Variants in ADCY7 observed in about 807,000 individuals in gnomAD.
ADCY7 encodes adenylate cyclase type 7.
In ADCY7, 72 loss-of-function variants were observed where a neutral mutation model predicts 120.6. That is an observed-to-expected ratio of 0.60 (90% CI 0.49 to 0.73). The LOEUF is 0.73. Among genes scored for constraint, ADCY7 ranks in the 30% least tolerant of loss-of-function variants. The pLI is 0.00. For missense variants in ADCY7, 1,227 were observed against 1,486.0 expected (o/e 0.83, Z 2.87); for synonymous variants, 661 against 628.0 (o/e 1.05, Z -0.78).
At chr16:50,255,380 G>A (rs1250637965) in intron 1 of ADCY7, among the ~76,000 whole-genome samples, 2 of 119,812 alleles carry the variant, frequency 1.7e-5, no homozygotes, top group African/African-American at 3.3e-5. Flanking sequence ...TACCATGCCT[G>A]GCCCATAAGA....
chr16:50,245,114 G>T (rs2032540939), upstream of ADCY7, among the ~76,000 whole-genome samples: 1 of 152,200 alleles, frequency 6.6e-6, no homozygotes, highest in African/African-American at 2.4e-5. Flanking sequence ...TCCCCTCTAG[G>T]GTGAGCCGGG....
At chr16:50,252,440 T>C (rs5016069) in intron 1 of ADCY7, among the ~76,000 whole-genome samples, 138,207 of 150,992 alleles carry the variant, frequency 0.92, 64,267 homozygotes, top group Non-Finnish European at 0.99. Flanking sequence ...AGCCACTGGG[T>C]AGGCATTGTT....
chr16:50,277,834 C>T (rs2150879145), intron 1 of ADCY7, among the ~76,000 whole-genome samples: 1 of 152,096 alleles, frequency 6.6e-6, no homozygotes, highest in South Asian at 2.1e-4. Flanking sequence ...CCACGCCCAG[C>T]TAATTTTTTG....
At position 50,304,531 on chromosome 16, in the gene ADCY7, C is replaced by T; in HGVS notation, c.1540C>T (p.Pro514Ser). ...ESVSSGETHV[P>S]NGRRPKSVPQ... The stretch of plus-strand genomic sequence containing the variant: ...CGTGAGCAGTGGTGAGACCCACGTC[C>T]CCAACGGGCGGAGGCCTAAGGTAGG... The change falls in exon 11 of 26, where the codon CCC becomes TCC. Residue 514 changes from proline to serine, a missense_variant. Physicochemically the swap from Pro to Ser is moderately conservative, Grantham distance 74. This residue lies in a region of ADCY7 where 332 missense variants were observed against 455.8 expected (regional missense o/e 0.73). Transcript: ENST00000673801. 2 of 1,562,980 alleles carry T rather than the reference C, an allele frequency of 1.3e-6. No homozygotes were observed. Among genetic ancestry groups the T allele is most frequent in the Non-Finnish European group, 1.7e-6 (2 of 1,154,060 alleles).
intron 1 of ADCY7, among the ~76,000 whole-genome samples, chr16:50,273,497 G>A (rs1373113691): frequency 1.3e-5 from 2 of 152,244 alleles, no homozygotes; most frequent in Non-Finnish European, 2.9e-5. Flanking sequence ...TGCACCTGCT[G>A]CAGGCAGGAG....
In ADCY7 at chr16:50,315,455, T is replaced by G. The variant is rs1262276584; in HGVS notation, c.3193T>G (p.Tyr1065Asp). The change falls in exon 26 of 26, where the codon TAC becomes GAC. Residue 1065 changes from tyrosine (Y) to aspartate (D), a missense_variant. Tyr to Asp is a radical substitution (Grantham distance 160, BLOSUM62 -3). This residue lies in a region of ADCY7 where 244 missense variants were observed against 332.8 expected (regional missense o/e 0.73). Coordinates refer to ENST00000673801, the MANE Select transcript of ADCY7 (RefSeq NM_001114.5). Reference protein sequence around the residue: ...NVKGKGELRTYFVCTDTAKFQ... With the variant: ...NVKGKGELRTDFVCTDTAKFQ... ...CAAAGGCAAAGGCGAGCTGAGGACT[T>G]ACTTTGTCTGTACGGACACTGCCAA... is the stretch of plus-strand genomic sequence containing the variant. 4 of 1,614,054 alleles carry G rather than the reference T, an allele frequency of 2.5e-6. No individual in the cohort carries two copies. The highest frequency in any genetic ancestry group is 1.3e-5 in the African/African-American group (1 of 74,944).
In ADCY7 at chr16:50,291,647, T is replaced by C. The variant is rs1029797558; in HGVS notation, c.376-89T>C. ...AGGGAGCCAACCTAAGGATACGCAC[T>C]GGGTGGGCTGCTGTGGTGCAGGGTT... On this transcript the variant is annotated intron_variant, in intron 3 of 25. Transcript: ENST00000673801. 6 of 1,522,150 alleles carry C rather than the reference T, an allele frequency of 3.9e-6. No homozygotes were observed. The East Asian group carries it at 9.2e-5, about 23-fold the overall frequency. The allele number at this position is 1,522,150 out of a possible 1,614,324, so 94.3% of individuals were successfully genotyped here.
chr16:50,312,848 C>T (rs776960855), intron 21 of ADCY7, 42 bp from the exon 22 acceptor site: 2 of 1,608,946 alleles, frequency 1.2e-6, no homozygotes, highest in African/African-American at 1.3e-5. Context: ...CCTGTCCCCT[C>T]AAGAGGTGAA....
Position 50,314,225 on chromosome 16 carries a change from G to A in ADCY7, c.2857-67G>A, listed in dbSNP as rs148381580. 2.1e-3 allele frequency: 3,140 copies of A among 1,496,080 alleles called. 4 individuals are homozygous for A. Among genetic ancestry groups the A allele is most frequent in the South Asian group, 2.7e-3 (239 of 87,514 alleles). 92.7% of individuals were successfully genotyped at this position (1,496,080 alleles called of 1,614,324 possible). Reference sequence around the variant, plus strand: ...GGTGGGGATCCTCAACAAGAGTGGCGCGCCAGGGCCCACTAGGTCTGGGGG... The same window carrying A: ...GGTGGGGATCCTCAACAAGAGTGGCACGCCAGGGCCCACTAGGTCTGGGGG... On this transcript the variant is annotated intron_variant, in intron 23 of 25. Coordinates refer to ENST00000673801, the MANE Select transcript of ADCY7 (RefSeq NM_001114.5).
At chr16:50,276,570 CATGTA>C (rs1293804378) in intron 1 of ADCY7, among the ~76,000 whole-genome samples, 1 of 152,300 alleles carries the variant, frequency 6.6e-6, no homozygotes, top group East Asian at 1.9e-4. Flanking sequence ...TCTGTTGGGT[CATGTA>C]ATGTATTATT....
chr16:50,245,700 C>T (rs2150765368), upstream of ADCY7, among the ~76,000 whole-genome samples: 1 of 152,224 alleles, frequency 6.6e-6, no homozygotes, highest in South Asian at 2.1e-4. Context: ...GAGGAGGGCA[C>T]TGGCCCGCCG....
chr16:50,305,609 A>G (rs1419961077), intron 13 of ADCY7, 23 bp downstream of exon 13: 7 of 1,575,250 alleles, frequency 4.4e-6, no homozygotes, highest in Non-Finnish European at 6.1e-6. Context: ...ACCTCTGTCC[A>G]CCCCCCTCTC....
chr16:50,269,023 G>A (rs758503809), intron 1 of ADCY7, among the ~76,000 whole-genome samples: 6 of 152,204 alleles, frequency 3.9e-5, no homozygotes, highest in Non-Finnish European at 7.3e-5. Flanking sequence ...CCTGGGTGAC[G>A]GAATGAGACC....
At position 50,257,671 on chromosome 16, in the gene ADCY7, C is replaced by T. The variant is rs181389080; in HGVS notation, c.-64+11468C>T. Among the ~76,000 whole-genome samples the T allele has an allele frequency of 2.3e-4, 35 of 151,542 alleles. 1 individual carries two copies. Among genetic ancestry groups the T allele is most frequent in the Admixed American group, 2.2e-3 (33 of 15,180 alleles). ...GTAATTCTTTAAGATCGTAACTATC[C>T]ATTCGGTGTTCAAACTTCCAATTGT... is the stretch of plus-strand genomic sequence containing the variant. On this transcript the variant is annotated intron_variant, in intron 1 of 4. Coordinates refer to the ADCY7 transcript ENST00000564044.
At chr16:50,285,980 T>C (rs3760012) in intron 1 of ADCY7, among the ~76,000 whole-genome samples, 69,371 of 151,824 alleles carry the variant, frequency 0.46, 16,560 homozygotes, top group Middle Eastern at 0.59. Flanking sequence ...GCATGGCAAG[T>C]GTGGGGTCAG....
rs530629457 is a variant in ADCY7, at chr16:50,312,092, C to T, written c.2505C>T (p.His835=). The change falls in exon 21 of 26, where the codon CAC becomes CAT. Residue 835 remains histidine (H), a synonymous_variant. Transcript: ENST00000673801. ...CLWKKKFKKE[H]EEFETMENVN... ...GGAAGAAGAAGTTCAAGAAGGAGCA[C>T]GAGGAGTTTGAGACCATGGAGAACG... The T allele has an allele frequency of 1.1e-5, 18 of 1,614,094 alleles. No individual in the cohort carries two copies. In the Admixed American group the frequency reaches 1.5e-4, roughly 13 times the overall value.
chr16:50,315,455 T>TA lies in ADCY7; in HGVS notation c.3194dup (p.Tyr1065Ter). ...CAAAGGCAAAGGCGAGCTGAGGACT[T>TA]ACTTTGTCTGTACGGACACTGCCAA... ...NVKGKGELRT[Y>*]FVCTDTAKFQ... Residue 1065 changes from tyrosine to a stop codon, truncating the protein, a stop_gained and frameshift_variant, in exon 26 of 26, where the codon TAC (tyrosine) becomes TAAC (stop). Coordinates refer to ENST00000673801, the MANE Select transcript of ADCY7 (RefSeq NM_001114.5). LOFTEE classifies it high-confidence loss of function. 2 of 1,614,172 alleles carry TA rather than the reference T, an allele frequency of 1.2e-6. No individual in the cohort carries two copies. The highest frequency in any genetic ancestry group is 1.7e-6 in the Non-Finnish European group (2 of 1,179,990).
upstream of ADCY7, among the ~76,000 whole-genome samples, chr16:50,264,994 G>A (rs895959153): frequency 2.0e-5 from 3 of 152,020 alleles, no homozygotes; most frequent in South Asian, 4.2e-4. Flanking sequence ...ATGCCACCAC[G>A]CCTGGCTAAT....
Position 50,308,716 on chromosome 16 carries a change from A to G in ADCY7, c.1985A>G (p.Glu662Gly). ...CTCTGCACTATCTCTGAGAGGGTGG[A>G]GACACAGCCCCTGCTGAGGCTGACC... ...GTLCTISERVETQPLLRLTLA... is the reference protein window; with the variant it reads ...GTLCTISERVGTQPLLRLTLA... The change falls in exon 17 of 26, where the codon GAG becomes GGG. Residue 662 changes from glutamate (E) to glycine (G), a missense_variant. Physicochemically the swap from Glu to Gly is moderately conservative, Grantham distance 98 (BLOSUM62 -2). Transcript: ENST00000673801. 6.2e-7 allele frequency: 1 copy of G among 1,613,716 alleles called. No individual in the cohort carries two copies. Among genetic ancestry groups the G allele is most frequent in the Non-Finnish European group, 8.5e-7 (1 of 1,179,978 alleles).
Sources: gnomAD v4.1 joint callset for allele counts (sites outside exome capture counted in the v4.1 genomes callset) on GRCh38, gnomAD v4.1.1 for gene constraint, gnomAD v4.1.1 regional missense constraint, MANE v1.5 for transcripts, NCBI Gene and HGNC (gene_info 2026-07-23, HGNC 2026-07-21) for gene names.